SH3GLB2: variants seen among roughly 807,000 people sequenced by gnomAD.
SH3GLB2 encodes SH3 domain containing GRB2 like, endophilin B2.
SH3GLB2 carries 24 observed loss-of-function variants against 48.0 expected under a neutral mutation model. That is an observed-to-expected ratio of 0.50 (90% CI 0.36 to 0.70). The LOEUF is 0.70. SH3GLB2 is among the 30% of genes least tolerant of loss of function. SH3GLB2 has a pLI of 0.00. For missense variants in SH3GLB2, 425 were observed against 516.0 expected, an observed-to-expected ratio of 0.82 and a Z score of 1.71; for synonymous variants, 227 against 207.6, an observed-to-expected ratio of 1.09 and a Z score of -0.80.
intron 3 of SH3GLB2, among the ~76,000 whole-genome samples, chr9:129,017,094 C>T (rs567349041): frequency 9.9e-5 from 15 of 151,904 alleles, no homozygotes; most frequent in Admixed American, 3.3e-4. Flanking sequence ...ACTATAGGCG[C>T]GCACCAGCAT....
intron 7 of SH3GLB2, chr9:129,010,413 G>T: frequency 3.1e-6 from 2 of 639,346 alleles, no homozygotes; most frequent in Non-Finnish European, 5.5e-6. Context: ...CAGCTGCAGT[G>T]ACAGACCCTT....
chr9:129,022,197 A>T, intron 2 of SH3GLB2, 85 bp downstream of exon 2: 1 of 1,553,382 alleles, frequency 6.4e-7, no homozygotes. Flanking sequence ...GCCCCGCCCC[A>T]CCTATGCCAC....
intron 2 of SH3GLB2, 61 bp from the exon 3 acceptor site, chr9:129,021,280 G>C: frequency 6.6e-7 from 1 of 1,518,140 alleles, no homozygotes; most frequent in Non-Finnish European, 8.8e-7. Context: ...AAATGAAACA[G>C]AAACAGACCC....
At chr9:129,012,941 C>A (rs1455856325) in intron 5 of SH3GLB2, 3 of 1,546,630 alleles carry the variant, frequency 1.9e-6, no homozygotes, top group African/African-American at 2.7e-5. Context: ...CTGGCCATGG[C>A]ACCGTGGGTC....
rs1354437742 is a variant in SH3GLB2, at chr9:129,012,390, G to A, written c.562-92C>T. 2.2e-5 allele frequency: 16 copies of A among 735,272 alleles called. No homozygotes were observed. The East Asian group carries it at 5.4e-4, about 25-fold the overall frequency. The allele number at this position is 735,272 out of a possible 1,614,324, so 45.5% of individuals were successfully genotyped here. ...AGGCTACCCCAGAGTCTTGCACAAG[G>A]AGATGCCAAGAGGCCTGACCCCAGG... is the stretch of plus-strand genomic sequence containing the variant. On this transcript the variant is annotated intron_variant, in intron 5 of 10. Coordinates refer to ENST00000372564, the MANE Select transcript of SH3GLB2 (RefSeq NM_020145.4).
At position 129,014,561 on chromosome 9, in the gene SH3GLB2, C is replaced by T; in HGVS notation, c.469-58G>A. On this transcript the variant is annotated intron_variant, in intron 4 of 10. Transcript: ENST00000372564. The surrounding 1 kb of genome is among the most constrained non-coding windows in gnomAD (Gnocchi z 4.1). ...TGGGCTGCCCTGGGAGACCCTGAGC[C>T]ATGCATGGCAAGATTGGTGCCGGGG... 1.3e-6 allele frequency: 2 copies of T among 1,522,444 alleles called. No individual in the cohort carries two copies. The highest frequency in any genetic ancestry group is 2.4e-5 in the South Asian group (2 of 83,826). 94.3% of individuals were successfully genotyped at this position (1,522,444 alleles called of 1,614,324 possible).
At chr9:129,019,419 A>C (rs897675579) in intron 3 of SH3GLB2, among the ~76,000 whole-genome samples, 8 of 150,434 alleles carry the variant, frequency 5.3e-5, no homozygotes, top group African/African-American at 1.7e-4. Context: ...AAAATAAATA[A>C]GTTTGGCTGG....
intron 7 of SH3GLB2, 130 bp downstream of exon 7, chr9:129,010,540 G>A: frequency 9.5e-7 from 1 of 1,056,266 alleles, no homozygotes; most frequent in Non-Finnish European, 1.4e-6. Context: ...GGCCCAGGGA[G>A]GGAAAGCAGT....
chr9:129,027,919 G>T (rs1844256456), intron 1 of SH3GLB2, among the ~76,000 whole-genome samples, 173 bp downstream of exon 1: 1 of 152,218 alleles, frequency 6.6e-6, no homozygotes, highest in African/African-American at 2.4e-5. Context: ...GGGCCGCACG[G>T]GCTCTTTCCC....
At chr9:129,012,669 G>A in intron 5 of SH3GLB2, 1 of 479,916 alleles carries the variant, frequency 2.1e-6, no homozygotes, top group Non-Finnish European at 3.7e-6. Flanking sequence ...CGCAAACACA[G>A]CCCACCCCCA....
In SH3GLB2 at chr9:129,010,771, C is replaced by T. The variant is rs947868124; in HGVS notation, c.625-78G>A. 103 of 1,570,486 alleles carry T rather than the reference C, an allele frequency of 6.6e-5. 1 individual carries two copies. The highest frequency in any genetic ancestry group is 5.5e-4 in the Admixed American group (32 of 58,386). ...TGGACCCTAGAGCCTGTGCCCTGCCCCAGCTCCCAGACTCAACTTCTGCCC... is the reference window on the plus strand; with the variant it reads ...TGGACCCTAGAGCCTGTGCCCTGCCTCAGCTCCCAGACTCAACTTCTGCCC... On this transcript the variant is annotated intron_variant, in intron 6 of 10. Coordinates refer to ENST00000372564, the MANE Select transcript of SH3GLB2 (RefSeq NM_020145.4).
At chr9:129,017,874 G>A (rs891623713) in intron 3 of SH3GLB2, among the ~76,000 whole-genome samples, 3 of 150,966 alleles carry the variant, frequency 2.0e-5, no homozygotes, top group Non-Finnish European at 4.4e-5. Flanking sequence ...CTCCAGCCTG[G>A]GCGACAGAGC....
Position 129,021,159 on chromosome 9 carries a change from G to C in SH3GLB2, c.266C>G (p.Thr89Ser). The change falls in exon 3 of 11, where the codon ACC becomes AGC. Residue 89 changes from threonine (T) to serine (S), a missense_variant. Coordinates refer to ENST00000372564, the MANE Select transcript of SH3GLB2 (RefSeq NM_020145.4). ...GTACTGAGCCAGCAGCTCCCCGTTG[G>C]TGACCCTTGAGGGGACCTTCCTGTC... ...KLDRKVPSRV[T>S]NGELLAQYMA... 6.2e-7 allele frequency: 1 copy of C among 1,612,390 alleles called. No individual in the cohort carries two copies.
At position 129,013,884 on chromosome 9, in the gene SH3GLB2, AGT is replaced by A. The variant is rs1843265154; in HGVS notation, c.561+525_561+526del. 7 of 370,836 alleles carry A rather than the reference AGT, an allele frequency of 1.9e-5. No individual in the cohort carries two copies. The Admixed American group carries it at 2.2e-4, about 12-fold the overall frequency. The allele number at this position is 370,836 out of a possible 1,614,324, so 23.0% of individuals were successfully genotyped here. ...GACCCAGCCAGGCTGAACAGGCCTC[AGT>A]GAGCTGGGAGTGAAGGGGGCGCCAG... On this transcript the variant is annotated intron_variant, in intron 5 of 10. Coordinates refer to ENST00000372564, the MANE Select transcript of SH3GLB2 (RefSeq NM_020145.4).
At chr9:129,024,306 A>AGGCC (rs1844005992) in intron 1 of SH3GLB2, among the ~76,000 whole-genome samples, 1 of 151,688 alleles carries the variant, frequency 6.6e-6, no homozygotes, top group Non-Finnish European at 1.5e-5. Context: ...TTATGCCTAT[A>AGGCC]ATCCCAGCAC....
At position 129,011,803 on chromosome 9, in the gene SH3GLB2, TACG is replaced by T. The variant is rs1236410777; in HGVS notation, c.624+430_624+432del. 1 of 162,932 alleles carries T rather than the reference TACG, an allele frequency of 6.1e-6. No homozygotes were observed. The highest frequency in any genetic ancestry group is 2.4e-5 in the African/African-American group (1 of 41,922). 10.1% of individuals were successfully genotyped at this position (162,932 alleles called of 1,614,324 possible). Reference sequence around the variant, plus strand: ...CCGCCCCCCAGGCGCTCTCCAGGCCTACGACGCCATCCCTGCCTCCTGTCTTTA... The same window carrying T: ...CCGCCCCCCAGGCGCTCTCCAGGCCTACGCCATCCCTGCCTCCTGTCTTTA... On this transcript the variant is annotated intron_variant, in intron 6 of 10. Coordinates refer to ENST00000372564, the MANE Select transcript of SH3GLB2 (RefSeq NM_020145.4). This position sits in a 1 kb window ranked among gnomAD's most constrained non-coding sequence, Gnocchi z 4.5.
chr9:129,009,026 G>A, intron 10 of SH3GLB2, 80 bp downstream of exon 10: 1 of 1,584,782 alleles, frequency 6.3e-7, no homozygotes, highest in Non-Finnish European at 8.5e-7. Context: ...GGCCCCTCCA[G>A]GCCCCATGTG....
rs568478876 is a variant in SH3GLB2 at position 129,018,371 on chromosome 9, T to A, written c.334+2720A>T. On this transcript the variant is annotated intron_variant, in intron 3 of 10. Coordinates refer to ENST00000372564, the MANE Select transcript of SH3GLB2 (RefSeq NM_020145.4). Reference sequence around the variant, plus strand: ...GGCGGGCGGATCACAAGGTCAGGAGTTCAAGACCAGCCTGGCCAACATGGT... The same window carrying A: ...GGCGGGCGGATCACAAGGTCAGGAGATCAAGACCAGCCTGGCCAACATGGT... 4.0e-4 allele frequency among the ~76,000 whole-genome samples: 59 copies of A among 148,062 alleles called. 2 individuals are homozygous for A. In the South Asian group the frequency reaches 0.011, roughly 28 times the overall value.
intron 1 of SH3GLB2, among the ~76,000 whole-genome samples, chr9:129,027,371 C>G (rs1430952188): frequency 6.6e-6 from 1 of 152,134 alleles, no homozygotes; most frequent in Non-Finnish European, 1.5e-5. Context: ...GGCCCCTCCC[C>G]CAAGGTCACA....
Sources: gnomAD v4.1 joint callset for allele counts (sites outside exome capture counted in the v4.1 genomes callset) on GRCh38, gnomAD v4.1.1 for gene constraint, Gnocchi (gnomAD v3.1) non-coding constraint, MANE v1.5 for transcripts, NCBI Gene and HGNC (gene_info 2026-07-23, HGNC 2026-07-21) for gene names.